NRXN1: variants seen among roughly 807,000 people sequenced by gnomAD.
The protein encoded by NRXN1 is neurexin 1, also known as neurexin-1.
Under a neutral mutation model 150.9 loss-of-function variants are expected in NRXN1, and 39 were observed. The ratio of observed to expected loss-of-function variants is 0.26; its 90% CI spans 0.20 to 0.34. The LOEUF is 0.34. Among genes scored for constraint, NRXN1 ranks in the 10% least tolerant of loss-of-function variants. The probability of loss-of-function intolerance (pLI) is 1.00; values close to 1 mark genes in which losing one functional copy is unlikely to be tolerated. For missense variants in NRXN1, 1,815 were observed against 1,949.9 expected (o/e 0.93, Z 1.30); for synonymous variants, 924 against 757.0 (o/e 1.22, Z -3.62).
intron 10 of NRXN1, among the ~76,000 whole-genome samples, chr2:50,537,178 T>A (rs961699675): frequency 1.3e-5 from 2 of 152,160 alleles, no homozygotes; most frequent in Non-Finnish European, 2.9e-5. Context: ...CAAACTGAAC[T>A]GAACTATTTC....
chr2:50,301,226 A>G (rs778950909), intron 17 of NRXN1, among the ~76,000 whole-genome samples: 17 of 152,158 alleles, frequency 1.1e-4, no homozygotes, highest in Non-Finnish European at 1.8e-4. Flanking sequence ...TAGCAAACAC[A>G]CTATAGCCCT....
chr2:50,587,257 G>A (rs1279982203), intron 8 of NRXN1, among the ~76,000 whole-genome samples: 1 of 152,298 alleles, frequency 6.6e-6, no homozygotes, highest in East Asian at 1.9e-4. Flanking sequence ...GGCTGATGTG[G>A]GCAGATCACT....
chr2:50,200,326 T>G (rs1351383939), intron 18 of NRXN1, among the ~76,000 whole-genome samples: 1 of 152,206 alleles, frequency 6.6e-6, no homozygotes, highest in Non-Finnish European at 1.5e-5. Context: ...TTCACTGTTT[T>G]ATCTACTGTC....
At chr2:50,597,876 C>G (rs1050802823) in intron 8 of NRXN1, among the ~76,000 whole-genome samples, 1 of 152,144 alleles carries the variant, frequency 6.6e-6, no homozygotes, top group Non-Finnish European at 1.5e-5. Flanking sequence ...CAGTGGCTCA[C>G]GGCTGTAATC....
intron 18 of NRXN1, among the ~76,000 whole-genome samples, chr2:50,103,172 A>G (rs1701192306): frequency 6.6e-6 from 1 of 152,082 alleles, no homozygotes; most frequent in Admixed American, 6.6e-5. Context: ...ATCTTTTTCA[A>G]AAGTCACTTA....
intron 17 of NRXN1, among the ~76,000 whole-genome samples, chr2:50,261,711 CTATT>C (rs1374996658): frequency 6.6e-6 from 1 of 151,836 alleles, no homozygotes; most frequent in Non-Finnish European, 1.5e-5. Context: ...TGTAAAAATA[CTATT>C]TCTTTTATAT....
rs181191709 is a variant in NRXN1, at chr2:50,226,276, C to T, written c.3546+10513G>A. The stretch of plus-strand genomic sequence containing the variant: ...GTTGATTGCTTTTATAAAAGCCACA[C>T]TTGTAGACTGCTTCATAGTTTAAAA... On this transcript the variant is annotated intron_variant, in intron 18 of 22. Coordinates refer to ENST00000401669, the MANE Select transcript of NRXN1 (RefSeq NM_001330078.2). 3.9e-5 allele frequency among the ~76,000 whole-genome samples: 6 copies of T among 152,048 alleles called. No individual in the cohort carries two copies. In the East Asian group the frequency reaches 1.2e-3, roughly 30 times the overall value.
At chr2:51,031,612 C>T (rs1285332756) in intron 1 of NRXN1, among the ~76,000 whole-genome samples, 1 of 152,160 alleles carries the variant, frequency 6.6e-6, no homozygotes, top group African/African-American at 2.4e-5. Context: ...AGTGCAGTTT[C>T]TTGGAGCTCG....
chr2:50,351,036 A>G (rs2078373357), intron 17 of NRXN1, among the ~76,000 whole-genome samples: 1 of 152,296 alleles, frequency 6.6e-6, no homozygotes, highest in Non-Finnish European at 1.5e-5. Flanking sequence ...TAGAAAAAGT[A>G]TTGTGGGCAA....
At chr2:50,664,717 T>C (rs1687782161) in intron 5 of NRXN1, among the ~76,000 whole-genome samples, 1 of 151,652 alleles carries the variant, frequency 6.6e-6, no homozygotes, top group Admixed American at 6.6e-5. Context: ...TACTTTGATA[T>C]TCACTCTGAA....
At chr2:50,406,513 C>A (rs949085267) in intron 17 of NRXN1, among the ~76,000 whole-genome samples, 2 of 152,144 alleles carry the variant, frequency 1.3e-5, no homozygotes, top group Non-Finnish European at 2.9e-5. Context: ...AAAACTTTAT[C>A]TTTGCATAAA....
chr2:50,603,994 T>C (rs908880403), intron 8 of NRXN1, among the ~76,000 whole-genome samples: 1 of 152,200 alleles, frequency 6.6e-6, no homozygotes, highest in African/African-American at 2.4e-5. Context: ...GGCAGAAATA[T>C]GTAAATTTTG....
intron 17 of NRXN1, among the ~76,000 whole-genome samples, chr2:50,373,679 A>AAGGAAAGGAAGAAAGAAAGAAAG (rs766534624): frequency 1.5e-5 from 1 of 65,638 alleles, no homozygotes; most frequent in African/African-American, 6.0e-5. Context: ...AGAAAGAAAG[A>AAGGAAAGGAAGAAAGAAAGAAAG]AAAGAAAGAA....
chr2:50,281,461 C>T (rs979674070), intron 17 of NRXN1, among the ~76,000 whole-genome samples: 2 of 152,048 alleles, frequency 1.3e-5, no homozygotes, highest in Non-Finnish European at 2.9e-5. Flanking sequence ...TCAAATTCTA[C>T]CTTTCCATAA....
intron 2 of NRXN1, among the ~76,000 whole-genome samples, chr2:50,929,872 A>C (rs1687481833): frequency 6.6e-6 from 1 of 152,040 alleles, no homozygotes; most frequent in Non-Finnish European, 1.5e-5. Context: ...AAACCTCAAT[A>C]GTCTGGGAAT....
At chr2:50,506,741 G>C (rs1179055054) in intron 12 of NRXN1, 124 bp from the exon 13 acceptor site, 7 of 965,940 alleles carry the variant, frequency 7.2e-6, no homozygotes, top group African/African-American at 5.0e-5. Flanking sequence ...AAAGAAGAAA[G>C]GAAGAAAGAG....
At chr2:50,912,426 TA>T (rs1684651294) in intron 5 of NRXN1, among the ~76,000 whole-genome samples, 1 of 151,974 alleles carries the variant, frequency 6.6e-6, no homozygotes, top group Non-Finnish European at 1.5e-5. Context: ...TTGCCAAAGA[TA>T]AATCTCTCAG....
At chr2:50,353,115 G>T (rs558455289) in intron 17 of NRXN1, among the ~76,000 whole-genome samples, 1 of 152,058 alleles carries the variant, frequency 6.6e-6, no homozygotes, top group African/African-American at 2.4e-5. Flanking sequence ...ACTTGGAAAC[G>T]TGACTAGATT....
chr2:50,271,132 A>G (rs1252082550), intron 17 of NRXN1, among the ~76,000 whole-genome samples: 2 of 152,322 alleles, frequency 1.3e-5, no homozygotes, highest in East Asian at 3.9e-4. Context: ...TGTGAACACT[A>G]CTGGACAATA....
Sources: gnomAD v4.1 joint callset for allele counts (sites outside exome capture counted in the v4.1 genomes callset) on GRCh38, gnomAD v4.1.1 for gene constraint, MANE v1.5 for transcripts, NCBI Gene and HGNC (gene_info 2026-07-23, HGNC 2026-07-21) for gene names.